The following USF2 variants were observed in gnomAD, a reference collection of about 807,000 sequenced individuals.
USF2 encodes the protein upstream stimulatory factor 2.
A neutral mutation model predicts 46.9 loss-of-function variants in USF2; 16 were observed. The ratio of observed to expected loss-of-function variants is 0.34; its 90% CI spans 0.23 to 0.52. The LOEUF is 0.52. Among genes scored for constraint, USF2 ranks in the 20% least tolerant of loss-of-function variants. USF2 has a pLI of 0.96. For synonymous variants in USF2, 239 were observed against 194.1 expected (o/e 1.23, Z -1.92); for missense variants, 411 against 474.0 (o/e 0.87, Z 1.23).
rs1269906132 is a variant in USF2 at position 35,269,917 on chromosome 19, A to C, written c.343A>C (p.Thr115Pro). 3 of 1,370,604 alleles carry C rather than the reference A, an allele frequency of 2.2e-6. No homozygotes were observed. 84.9% of individuals were successfully genotyped at this position (1,370,604 alleles called of 1,614,324 possible). Residue 115 changes from threonine (T) to proline (P), a missense_variant, in exon 4 of 10, where the codon ACC (threonine) becomes CCC (proline). By Grantham distance (38) the Thr-to-Pro change is conservative. Coordinates refer to ENST00000222305, the MANE Select transcript of USF2 (RefSeq NM_003367.4). ...CTTCGCGGGGGGGCAGCAGGCTGTGACCCAGGTGGGTGTGGACGGGGCAGC... is the reference window on the plus strand; with the variant it reads ...CTTCGCGGGGGGGCAGCAGGCTGTGCCCCAGGTGGGTGTGGACGGGGCAGC... ...AAFAGGQQAV[T>P]QVGVDGAAQR... is the part of the protein sequence containing the mutation.
At chr19:35,277,916 G>C (rs1265372918) in intron 7 of USF2, 5 of 152,290 alleles carry the variant, frequency 3.3e-5, no homozygotes, top group African/African-American at 1.2e-4. Flanking sequence ...CATGTGCTCT[G>C]TCTGGGGATA....
chr19:35,269,656 A>G lies in USF2; in HGVS notation c.185A>G (p.His62Arg), dbSNP rs1303724217. 7 of 1,526,880 alleles carry G rather than the reference A, an allele frequency of 4.6e-6. No homozygotes were observed. The highest frequency in any genetic ancestry group is 1.8e-5 in the Admixed American group (1 of 56,352). 94.6% of individuals were successfully genotyped at this position (1,526,880 alleles called of 1,614,324 possible). Residue 62 changes from histidine (H) to arginine (R), a missense_variant, in exon 3 of 10, where the codon CAC (histidine) becomes CGC (arginine). By Grantham distance (29) the His-to-Arg change is conservative (BLOSUM62 0). Transcript: ENST00000222305. ...TSVQQAAFGD[H>R]NIQYQFRTET... Reference sequence around the variant, plus strand: ...GTCCAGCAGGCGGCGTTCGGCGACCACAACATCCAGTACCAGTTCCGCACA... The same window carrying G: ...GTCCAGCAGGCGGCGTTCGGCGACCGCAACATCCAGTACCAGTTCCGCACA...
Position 35,270,735 on chromosome 19 carries a change from A to T in USF2, c.598A>T (p.Met200Leu). The T allele has an allele frequency of 6.2e-7, 1 of 1,614,004 alleles. No homozygotes were observed. Among genetic ancestry groups the T allele is most frequent in the Non-Finnish European group, 8.5e-7 (1 of 1,179,980 alleles). ...LQAGGQFYVM[M>L]TPQDVLQTGT... is the part of the protein sequence containing the mutation. ...CCCTGCAGGCCAGTTCTACGTCATGATGACGCCCCAGGATGTGCTTCAGAC... is the reference window on the plus strand; with the variant it reads ...CCCTGCAGGCCAGTTCTACGTCATGTTGACGCCCCAGGATGTGCTTCAGAC... Residue 200 changes from methionine to leucine, a missense_variant, in exon 6 of 10, where the codon ATG (methionine) becomes TTG (leucine). Physicochemically the swap from Met to Leu is conservative, Grantham distance 15. This residue lies in a region of USF2 where 318 missense variants were observed against 322.4 expected (regional missense o/e 0.99). Transcript: ENST00000222305.
Position 35,270,444 on chromosome 19 carries a change from C to T in USF2, c.430-3C>T, listed in dbSNP as rs2066135148. 3 of 1,611,758 alleles carry T rather than the reference C, an allele frequency of 1.9e-6. No homozygotes were observed. Among genetic ancestry groups the T allele is most frequent in the Non-Finnish European group, 1.7e-6 (2 of 1,179,146 alleles). ...GGGTAGCCTCTGCCCTCCTACTCCC[C>T]AGGCTGTGATCCAAAATCCCTTCAG... is the stretch of plus-strand genomic sequence containing the variant. On this transcript the variant is annotated splice_region_variant and splice_polypyrimidine_tract_variant and intron_variant, in intron 4 of 9. Coordinates refer to ENST00000222305, the MANE Select transcript of USF2 (RefSeq NM_003367.4).
In USF2 at chr19:35,269,655, C is replaced by T. The variant is rs771058625; in HGVS notation, c.184C>T (p.His62Tyr). Residue 62 changes from histidine to tyrosine, a missense_variant, in exon 3 of 10, where the codon CAC becomes TAC. Around this residue, in one of 2 missense-constraint regions of USF2, gnomAD observed 318 missense variants for 322.4 expected, o/e 0.99. Transcript: ENST00000222305. Reference sequence around the variant, plus strand: ...CGTCCAGCAGGCGGCGTTCGGCGACCACAACATCCAGTACCAGTTCCGCAC... The same window carrying T: ...CGTCCAGCAGGCGGCGTTCGGCGACTACAACATCCAGTACCAGTTCCGCAC... ...TSVQQAAFGD[H>Y]NIQYQFRTET... 1 of 1,595,250 alleles carries T rather than the reference C, an allele frequency of 6.3e-7. No homozygotes were observed. The highest frequency in any genetic ancestry group is 1.4e-5 in the African/African-American group (1 of 72,900).
At chr19:35,272,458 A>AG (rs2066171179) in intron 7 of USF2, among the ~76,000 whole-genome samples, 2 of 152,102 alleles carry the variant, frequency 1.3e-5, no homozygotes, top group Non-Finnish European at 2.9e-5. Flanking sequence ...GGGAAGAGCT[A>AG]GAACACAGGC....
intron 8 of USF2, 71 bp from the exon 9 acceptor site, chr19:35,278,875 G>C: frequency 3.7e-6 from 6 of 1,601,180 alleles, no homozygotes; most frequent in Non-Finnish European, 5.1e-6. Flanking sequence ...CATGGGGCTC[G>C]GGAGTCATCC....
chr19:35,270,406 C>T (rs1362282531), intron 4 of USF2, 41 bp from the exon 5 acceptor site: 5 of 1,590,160 alleles, frequency 3.1e-6, no homozygotes, highest in Non-Finnish European at 1.7e-6. Context: ...GATGGAGGAA[C>T]AGAGAAAGCT....
At chr19:35,276,069 C>CTTTTTTTTTT (rs752967792) in intron 7 of USF2, among the ~76,000 whole-genome samples, 1 of 112,042 alleles carries the variant, frequency 8.9e-6, no homozygotes, top group African/African-American at 3.4e-5. Flanking sequence ...TGAATTTTCT[C>CTTTTTTTTTT]TTTTTTTTTT....
At chr19:35,274,853 C>G (rs894553002) in intron 7 of USF2, among the ~76,000 whole-genome samples, 1 of 152,222 alleles carries the variant, frequency 6.6e-6, no homozygotes, top group African/African-American at 2.4e-5. Flanking sequence ...CATGTGTGCG[C>G]TGCCTGAAGG....
intron 7 of USF2, among the ~76,000 whole-genome samples, chr19:35,272,245 G>C (rs1473956922): frequency 6.6e-6 from 1 of 152,180 alleles, no homozygotes; most frequent in Non-Finnish European, 1.5e-5. Context: ...GCGCGTTCTG[G>C]TGGGAGAGAT....
At chr19:35,278,574 G>A in intron 7 of USF2, 124 bp from the exon 8 acceptor site, 1 of 975,002 alleles carries the variant, frequency 1.0e-6, no homozygotes, top group South Asian at 1.5e-5. Context: ...ACTTCCCAGG[G>A]CTGTGGTCTC....
Position 35,269,908 on chromosome 19 carries a change from C to T in USF2, c.334C>T (p.Gln112Ter). The T allele has an allele frequency of 1.4e-6, 2 of 1,381,668 alleles. No homozygotes were observed. Among genetic ancestry groups the T allele is most frequent in the Non-Finnish European group, 9.3e-7 (1 of 1,076,498 alleles). 85.6% of individuals were successfully genotyped at this position (1,381,668 alleles called of 1,614,324 possible). A position where few individuals can be genotyped will look rare whatever the true frequency, so the allele number is the denominator to read the frequency against. The stretch of plus-strand genomic sequence containing the variant: ...CACCGCTGCCTTCGCGGGGGGGCAG[C>T]AGGCTGTGACCCAGGTGGGTGTGGA... ...VSTAAFAGGQ[Q>*]AVTQVGVDGA... The change falls in exon 4 of 10, where the codon CAG becomes TAG. Residue 112 changes from glutamine to a stop codon, truncating the protein, a stop_gained. Coordinates refer to ENST00000222305, the MANE Select transcript of USF2 (RefSeq NM_003367.4). LOFTEE classifies it high-confidence loss of function.
In USF2 at chr19:35,279,244, C is replaced by G. The variant is rs1377819345; in HGVS notation, c.1029C>G (p.Gly343=). 1 of 1,540,650 alleles carries G rather than the reference C, an allele frequency of 6.5e-7. No homozygotes were observed. The highest frequency in any genetic ancestry group is 2.0e-5 in the Admixed American group (1 of 50,630). ...ACAACCTGGAGATGGTGGGCGAGGGCACCCGGCAGTGACGCCCGCCACCAC... is the reference window on the plus strand; with the variant it reads ...ACAACCTGGAGATGGTGGGCGAGGGGACCCGGCAGTGACGCCCGCCACCAC... The part of the protein sequence containing the change: ...QQHNLEMVGE[G]TRQ The change falls in exon 10 of 10, where the codon GGC becomes GGG. Residue 343 remains glycine (G), a synonymous_variant. Transcript: ENST00000222305.
chr19:35,271,204 G>A, intron 7 of USF2, 63 bp downstream of exon 7: 1 of 1,594,960 alleles, frequency 6.3e-7, no homozygotes, highest in Non-Finnish European at 8.6e-7. Context: ...AGCCAGCCCT[G>A]GAGTGTGGAG....
At chr19:35,273,086 C>T (rs1181915091) in intron 7 of USF2, among the ~76,000 whole-genome samples, 2 of 151,940 alleles carry the variant, frequency 1.3e-5, no homozygotes, top group East Asian at 3.9e-4. Flanking sequence ...CTTAGTTAAT[C>T]TGACTCCAGG....
At chr19:35,278,528 G>A (rs1599635484) in intron 7 of USF2, 170 bp from the exon 8 acceptor site, 6 of 669,708 alleles carry the variant, frequency 9.0e-6, no homozygotes, top group East Asian at 7.7e-5. Context: ...TGAGAAGCTG[G>A]GGTGGGGGCC....
chr19:35,274,549 T>A (rs1017237441), intron 7 of USF2, among the ~76,000 whole-genome samples: 2 of 152,104 alleles, frequency 1.3e-5, no homozygotes, highest in African/African-American at 4.8e-5. Context: ...CCCAGCACTT[T>A]TGGGATTACA....
Position 35,269,384 on chromosome 19 carries a change from C to CGCGGGG in USF2, c.63-52_63-47dup, listed in dbSNP as rs999196682. 46 of 1,292,228 alleles carry CGCGGGG rather than the reference C, an allele frequency of 3.6e-5. No homozygotes were observed. The East Asian group carries it at 7.3e-4, about 20-fold the overall frequency. 80.0% of individuals were successfully genotyped at this position (1,292,228 alleles called of 1,614,324 possible). A position where few individuals can be genotyped will look rare whatever the true frequency, so the allele number is the denominator to read the frequency against. On this transcript the variant is annotated intron_variant, in intron 1 of 9. Coordinates refer to ENST00000222305, the MANE Select transcript of USF2 (RefSeq NM_003367.4). ...GTGGGACTGGGGCCCTGCAGCTGGG[C>CGCGGGG]GCGGGGGCGGGGGCGCGGGCGCGGG...
Sources: allele counts gnomAD v4.1 joint callset (sites outside exome capture counted in the v4.1 genomes callset), GRCh38; gene constraint gnomAD v4.1.1; regional missense constraint gnomAD v4.1.1; transcripts MANE v1.5; gene names NCBI Gene and HGNC (gene_info 2026-07-23, HGNC 2026-07-21).